Variants in SYBU observed in about 807,000 individuals in gnomAD.
SYBU encodes GOLSYN A protein.
SYBU carries 21 observed loss-of-function variants against 35.9 expected under a neutral mutation model. That is an observed-to-expected ratio of 0.58 (90% confidence interval 0.41 to 0.84). The LOEUF (loss-of-function observed/expected upper bound fraction) is 0.84, where lower values mean the gene tolerates loss of function less well. Among genes scored for constraint, SYBU ranks in the 40% least tolerant of loss-of-function variants. SYBU has a pLI of 0.00. For missense variants in SYBU, 768 were observed against 848.2 expected (o/e 0.91, Z 1.17); for synonymous variants, 319 against 324.3 (o/e 0.98, Z 0.18).
chr8:109,683,520 C>T (rs1015103768), upstream of SYBU, among the ~76,000 whole-genome samples: 1 of 152,138 alleles, frequency 6.6e-6, no homozygotes, highest in African/African-American at 2.4e-5. Context: ...AACTTACTTG[C>T]TTTTAATTTT....
chr8:109,574,252 G>A lies in SYBU; in HGVS notation c.*654C>T, dbSNP rs1211089259. 6.6e-6 allele frequency: 1 copy of A among 152,532 alleles called. No individual in the cohort carries two copies. Among genetic ancestry groups the A allele is most frequent in the African/African-American group, 2.4e-5 (1 of 41,404 alleles). The allele number at this position is 152,532 out of a possible 1,614,324, so 9.4% of individuals were successfully genotyped here. Reference sequence around the variant, plus strand: ...TTATTTTCATCATGCTGAAGTGTGTGGTTACAATTTCCAATAAAACACTAT... The same window carrying A: ...TTATTTTCATCATGCTGAAGTGTGTAGTTACAATTTCCAATAAAACACTAT... On this transcript the variant is annotated 3_prime_UTR_variant, in exon 7 of 7. Coordinates refer to ENST00000276646, the MANE Select transcript of SYBU (RefSeq NM_001099754.2).
chr8:109,649,261 C>G (rs1415914013), upstream of SYBU, among the ~76,000 whole-genome samples: 2 of 151,976 alleles, frequency 1.3e-5, no homozygotes, highest in Non-Finnish European at 2.9e-5. Context: ...CTCGGCCTCC[C>G]AAAGTGCCAG....
At chr8:109,576,926 C>T (rs535156376) in intron 6 of SYBU, among the ~76,000 whole-genome samples, 2 of 152,254 alleles carry the variant, frequency 1.3e-5, no homozygotes, top group Admixed American at 6.5e-5. Flanking sequence ...CCATTCCTTC[C>T]TCGAGTGCTC....
At chr8:109,577,575 C>T (rs911496012) in intron 6 of SYBU, among the ~76,000 whole-genome samples, 5 of 152,038 alleles carry the variant, frequency 3.3e-5, no homozygotes, top group African/African-American at 1.2e-4. Flanking sequence ...CATGCACACA[C>T]CTGATTATTT....
At chr8:109,645,635 T>TTTTG (rs1554625003), upstream of SYBU, 1 of 252,608 alleles carries the variant, frequency 4.0e-6, no homozygotes, top group African/African-American at 2.3e-5. Context: ...CGTTTTTTGT[T>TTTTG]TTTTTTTTTT....
chr8:109,652,621 C>A (rs998831258), intron 1 of SYBU, among the ~76,000 whole-genome samples: 1 of 152,156 alleles, frequency 6.6e-6, no homozygotes, highest in Non-Finnish European at 1.5e-5. Flanking sequence ...GTTATACTGC[C>A]ACCTATGGAT....
intron 2 of SYBU, among the ~76,000 whole-genome samples, chr8:109,620,544 T>C (rs1301963004): frequency 6.6e-6 from 1 of 152,216 alleles, no homozygotes; most frequent in Non-Finnish European, 1.5e-5. Flanking sequence ...AGAGTGAACT[T>C]GGCACTAATA....
At chr8:109,615,810 C>G (rs1389889583) in intron 3 of SYBU, among the ~76,000 whole-genome samples, 4 of 151,886 alleles carry the variant, frequency 2.6e-5, no homozygotes, top group Non-Finnish European at 5.9e-5. Flanking sequence ...AAATGAGATC[C>G]ATGAAACCCC....
rs1486606761 is a variant in SYBU at position 109,642,845 on chromosome 8, G to T, written c.112C>A (p.Gln38Lys). The change falls in exon 2 of 7, where the codon CAG becomes AAG. Residue 38 changes from glutamine to lysine, a missense_variant. Transcript: ENST00000276646. ...LILRPHMPQQ[Q>K]HKVSPASESP... Reference sequence around the variant, plus strand: ...TCAGAGGCTGGGGACACTTTGTGCTGTTGTTGGGGCATATGGGGCCGAAGA... The same window carrying T: ...TCAGAGGCTGGGGACACTTTGTGCTTTTGTTGGGGCATATGGGGCCGAAGA... 1.9e-6 allele frequency: 3 copies of T among 1,612,418 alleles called. No individual in the cohort carries two copies. The highest frequency in any genetic ancestry group is 2.5e-6 in the Non-Finnish European group (3 of 1,179,196).
At chr8:109,616,002 CTTTCTTTTT>C (rs1563726051) in intron 3 of SYBU, among the ~76,000 whole-genome samples, 105 of 99,214 alleles carry the variant, frequency 1.1e-3, no homozygotes, top group Non-Finnish European at 1.5e-3. Context: ...CTTTTCTTTT[CTTTCTTTTT>C]TTTTTTTTTT....
At chr8:109,617,363 T>A (rs545388953) in intron 3 of SYBU, among the ~76,000 whole-genome samples, 20 of 152,192 alleles carry the variant, frequency 1.3e-4, no homozygotes, top group Non-Finnish European at 2.1e-4. Flanking sequence ...TTGGGGTTTC[T>A]TTTTGGGAGT....
At chr8:109,624,793 G>A (rs1425761430) in intron 2 of SYBU, among the ~76,000 whole-genome samples, 1 of 145,712 alleles carries the variant, frequency 6.9e-6, no homozygotes, top group Non-Finnish European at 1.5e-5. Flanking sequence ...ACTGCAGCCT[G>A]CAGGGCAAAT....
Position 109,574,865 on chromosome 8 carries a change from C to A in SYBU, c.*41G>T. 1 of 1,502,092 alleles carries A rather than the reference C, an allele frequency of 6.7e-7. No homozygotes were observed. The highest frequency in any genetic ancestry group is 8.9e-7 in the Non-Finnish European group (1 of 1,125,338). 93.0% of individuals were successfully genotyped at this position (1,502,092 alleles called of 1,614,324 possible). The stretch of plus-strand genomic sequence containing the variant: ...TTCCTGTTTCTCTACCTGGCACAAC[C>A]CACATGGGACACATTGGCACACGGT... On this transcript the variant is annotated 3_prime_UTR_variant, in exon 7 of 7. Transcript: ENST00000276646.
intron 1 of SYBU, among the ~76,000 whole-genome samples, chr8:109,678,809 T>C (rs994533640): frequency 3.9e-5 from 6 of 152,116 alleles, no homozygotes; most frequent in African/African-American, 1.4e-4. Context: ...TTGATAAATC[T>C]TAGAATTACA....
intron 3 of SYBU, among the ~76,000 whole-genome samples, chr8:109,608,824 G>T (rs927269856): frequency 2.0e-5 from 3 of 152,066 alleles, no homozygotes; most frequent in African/African-American, 7.2e-5. Context: ...GGCAAATATT[G>T]TCACTACAAA....
intron 3 of SYBU, among the ~76,000 whole-genome samples, chr8:109,611,016 A>G (rs1811108700): frequency 6.6e-6 from 1 of 152,222 alleles, no homozygotes; most frequent in Non-Finnish European, 1.5e-5. Flanking sequence ...GGGAAAGCCC[A>G]ACCTAAAGCA....
At chr8:109,620,548 A>C (rs777994052) in intron 2 of SYBU, among the ~76,000 whole-genome samples, 4 of 152,196 alleles carry the variant, frequency 2.6e-5, no homozygotes, top group African/African-American at 4.8e-5. Flanking sequence ...TGAACTTGGC[A>C]CTAATAAAAT....
chr8:109,665,529 T>C (rs1047641582), intron 1 of SYBU, among the ~76,000 whole-genome samples: 14 of 152,216 alleles, frequency 9.2e-5, no homozygotes. Flanking sequence ...TTCCATTTTT[T>C]TGGTTGGATT....
chr8:109,599,806 A>G (rs965385229), intron 3 of SYBU, among the ~76,000 whole-genome samples: 1 of 152,186 alleles, frequency 6.6e-6, no homozygotes, highest in Non-Finnish European at 1.5e-5. Context: ...CTTTAGCACG[A>G]TTTACAAACC....
Sources: gnomAD v4.1 joint callset for allele counts (sites outside exome capture counted in the v4.1 genomes callset) on GRCh38, gnomAD v4.1.1 for gene constraint, MANE v1.5 for transcripts, NCBI Gene and HGNC (gene_info 2026-07-23, HGNC 2026-07-21) for gene names.